SMG6: variants seen among roughly 807,000 people sequenced by gnomAD.
SMG6 encodes SMG6 nonsense mediated mRNA decay factor.
In SMG6, 66 loss-of-function variants were observed where a neutral mutation model predicts 142.2. That is an observed-to-expected ratio of 0.46 (90% CI 0.38 to 0.57). The LOEUF is 0.57. SMG6 is among the 20% of genes least tolerant of loss of function. SMG6 has a pLI of 0.00. For missense variants in SMG6, 1,793 were observed against 1,832.0 expected (o/e 0.98, Z 0.39); for synonymous variants, 779 against 702.4 (o/e 1.11, Z -1.72).
Position 2,298,705 on chromosome 17 carries a change from G to A in SMG6, c.1847+201C>T, listed in dbSNP as rs565981756. On this transcript the variant is annotated intron_variant, in intron 2 of 18. Transcript: ENST00000263073. ...TGCACTCCAGCCTGGGCGACAGAGC[G>A]AGACTCCGTCTTAAAAAAAAAAAAA... 3.1e-3 allele frequency among the ~76,000 whole-genome samples: 467 copies of A among 148,744 alleles called. 1 individual carries two copies. The highest frequency in any genetic ancestry group is 5.0e-3 in the Non-Finnish European group (334 of 67,456).
intron 13 of SMG6, among the ~76,000 whole-genome samples, chr17:2,090,147 C>G (rs2068674091): frequency 6.8e-6 from 1 of 146,814 alleles, no homozygotes; most frequent in African/African-American, 2.5e-5. Context: ...TGCACCACCG[C>G]ACTCCAGCCC....
At chr17:2,162,973 A>G (rs2071227438) in intron 13 of SMG6, among the ~76,000 whole-genome samples, 1 of 152,070 alleles carries the variant, frequency 6.6e-6, no homozygotes, top group Non-Finnish European at 1.5e-5. Context: ...CTGGGACTAC[A>G]GATGCACACC....
chr17:2,299,278 CG>C lies in SMG6; in HGVS notation c.1474del (p.Arg492AlafsTer73). The C allele has an allele frequency of 6.2e-7, 1 of 1,614,046 alleles. No homozygotes were observed. The highest frequency in any genetic ancestry group is 8.5e-7 in the Non-Finnish European group (1 of 1,180,028). The stretch of plus-strand genomic sequence containing the variant: ...CTTATAGTAAGATGCCTGAGCCTGG[CG>C]TGAGTCACCCCAAGATGTAGGGCTG... ...EVSPTSWGDSRQAQASYYKFQ... is the reference protein window; with the variant it reads ...EVSPTSWGDSXQAQASYYKFQ... On this transcript the variant is annotated frameshift_variant, in exon 2 of 19. Coordinates refer to ENST00000263073, the MANE Select transcript of SMG6 (RefSeq NM_017575.5). LOFTEE classifies it high-confidence loss of function. The surrounding 1 kb of genome is among the most constrained non-coding windows in gnomAD (Gnocchi z 4.3).
intron 6 of SMG6, among the ~76,000 whole-genome samples, chr17:2,289,150 T>C (rs912043242): frequency 6.6e-6 from 1 of 150,790 alleles, no homozygotes; most frequent in Non-Finnish European, 1.5e-5. Flanking sequence ...TTTGGGGGGC[T>C]GAGGCAGAAG....
chr17:2,283,911 G>T (rs1200191914), intron 6 of SMG6, among the ~76,000 whole-genome samples, 176 bp from the exon 7 acceptor site: 1 of 152,070 alleles, frequency 6.6e-6, no homozygotes, highest in Non-Finnish European at 1.5e-5. Flanking sequence ...TTACATCACA[G>T]ATCTCTTCTT....
chr17:2,269,098 T>G (rs554404788), intron 8 of SMG6, among the ~76,000 whole-genome samples: 1 of 150,986 alleles, frequency 6.6e-6, no homozygotes, highest in African/African-American at 2.4e-5. Context: ...CAGCTACTCA[T>G]AGTCCCAGCT....
At chr17:2,279,232 C>T (rs757735854) in intron 8 of SMG6, among the ~76,000 whole-genome samples, 13 of 152,070 alleles carry the variant, frequency 8.5e-5, no homozygotes, top group African/African-American at 2.2e-4. Context: ...AAGAGCGGTG[C>T]GGGCAGAGAG....
In SMG6 at chr17:2,068,651, C is replaced by T; in HGVS notation, c.3835+127G>A. The T allele has an allele frequency of 1.1e-6, 1 of 936,192 alleles. No individual in the cohort carries two copies. Among genetic ancestry groups the T allele is most frequent in the East Asian group, 2.6e-5 (1 of 38,146 alleles). 58.0% of individuals were successfully genotyped at this position (936,192 alleles called of 1,614,324 possible). A position where few individuals can be genotyped will look rare whatever the true frequency, so the allele number is the denominator to read the frequency against. ...TTCTTTGCCCCACGCGTTCCCTACT[C>T]CCCTGCAAATCCCATCTTACACACG... On this transcript the variant is annotated intron_variant, in intron 16 of 18. Coordinates refer to ENST00000263073, the MANE Select transcript of SMG6 (RefSeq NM_017575.5). The surrounding 1 kb of genome is among the most constrained non-coding windows in gnomAD (Gnocchi z 6.7).
rs148995064 is a variant in SMG6, at chr17:2,238,526, G to T, written c.2724-1889C>A. Among the ~76,000 whole-genome samples the T allele has an allele frequency of 3.9e-5, 6 of 152,316 alleles. No individual in the cohort carries two copies. In the East Asian group the frequency reaches 1.2e-3, roughly 29 times the overall value. ...TGCAGCACTCTTTCTGGTCAGAGGTGGGGAGGGGGCTAGCACTTCTCGTTA... is the reference window on the plus strand; with the variant it reads ...TGCAGCACTCTTTCTGGTCAGAGGTTGGGAGGGGGCTAGCACTTCTCGTTA... On this transcript the variant is annotated intron_variant, in intron 9 of 18. Coordinates refer to ENST00000263073, the MANE Select transcript of SMG6 (RefSeq NM_017575.5).
chr17:2,232,452 T>C (rs1026586928), intron 10 of SMG6, among the ~76,000 whole-genome samples: 10 of 152,110 alleles, frequency 6.6e-5, no homozygotes, highest in African/African-American at 2.4e-4. Context: ...TTGGACCTGG[T>C]CCACGTAAGA....
chr17:2,065,312 C>A (rs1039344610), intron 17 of SMG6, among the ~76,000 whole-genome samples, 156 bp downstream of exon 17: 1 of 152,154 alleles, frequency 6.6e-6, no homozygotes, highest in Non-Finnish European at 1.5e-5. Flanking sequence ...GACTGTGCTA[C>A]GAGTGACTTA....
At chr17:2,087,407 A>G in intron 13 of SMG6, 3 of 1,185,516 alleles carry the variant, frequency 2.5e-6, no homozygotes, top group Non-Finnish European at 3.2e-6. Context: ...TGCCACCTTC[A>G]CCAAAAAGCC....
chr17:2,065,319 C>T (rs1386162670), intron 17 of SMG6, 149 bp downstream of exon 17: 4 of 953,000 alleles, frequency 4.2e-6, no homozygotes, highest in Non-Finnish European at 6.5e-6. Context: ...CTACGAGTGA[C>T]TTAGGGGAGA....
At chr17:2,233,623 A>G (rs184766295) in intron 10 of SMG6, 1 of 152,354 alleles carries the variant, frequency 6.6e-6, no homozygotes, top group African/African-American at 2.4e-5. Context: ...TGATTAGTGA[A>G]GGATTTCAAT....
At chr17:2,196,631 G>A (rs955131619) in intron 10 of SMG6, among the ~76,000 whole-genome samples, 2 of 152,158 alleles carry the variant, frequency 1.3e-5, no homozygotes, top group African/African-American at 4.8e-5. Context: ...CGTAGATAAA[G>A]ACAAGCTTAT....
chr17:2,284,996 T>A (rs571630853), intron 6 of SMG6, among the ~76,000 whole-genome samples: 1 of 152,332 alleles, frequency 6.6e-6, no homozygotes, highest in Non-Finnish European at 1.5e-5. Flanking sequence ...AAAACAGAGA[T>A]ACAACTTACA....
rs536769086 is a variant in SMG6, at chr17:2,219,371, C to T, written c.2869+17121G>A. 1.4e-4 allele frequency among the ~76,000 whole-genome samples: 21 copies of T among 151,802 alleles called. No homozygotes were observed. The South Asian group carries it at 3.8e-3, about 27-fold the overall frequency. The stretch of plus-strand genomic sequence containing the variant: ...ACACACTCCAGCCTGGGCGGCAGAG[C>T]GAGACTCTGCCTCAAAAATAAAAAA... On this transcript the variant is annotated intron_variant, in intron 10 of 18. Transcript: ENST00000263073.
chr17:2,137,558 G>A (rs373416360), intron 13 of SMG6, among the ~76,000 whole-genome samples: 21 of 152,004 alleles, frequency 1.4e-4, no homozygotes, highest in Non-Finnish European at 2.5e-4. Flanking sequence ...CAGGGTTCTC[G>A]GGGAGGAGTT....
In SMG6 at chr17:2,149,800, C is replaced by G. The variant is rs1442888041; in HGVS notation, c.3357+22858G>C. Reference sequence around the variant, plus strand: ...TTAGTCCTAAGAGGCTAAAACTTGCCTTCTATCAAAATGTAAGTCAGTGGC... The same window carrying G: ...TTAGTCCTAAGAGGCTAAAACTTGCGTTCTATCAAAATGTAAGTCAGTGGC... On this transcript the variant is annotated intron_variant, in intron 13 of 18. Transcript: ENST00000263073. 2.0e-5 allele frequency among the ~76,000 whole-genome samples: 3 copies of G among 152,170 alleles called. No individual in the cohort carries two copies. In the East Asian group the frequency reaches 5.8e-4, roughly 29 times the overall value.
Sources: gnomAD v4.1 joint callset for allele counts (sites outside exome capture counted in the v4.1 genomes callset) on GRCh38, gnomAD v4.1.1 for gene constraint, Gnocchi (gnomAD v3.1) non-coding constraint, MANE v1.5 for transcripts, NCBI Gene and HGNC (gene_info 2026-07-23, HGNC 2026-07-21) for gene names.